EYS: variants seen among roughly 807,000 people sequenced by gnomAD.
The protein encoded by EYS is EGF-like photoreceptor maintenance factor, also known as protein eyes shut homolog.
Under a neutral mutation model 282.1 loss-of-function variants are expected in EYS, and 250 were observed. That is an observed-to-expected ratio of 0.89 (90% confidence interval 0.80 to 0.98). The LOEUF is 0.98. Among genes scored for constraint, EYS ranks in the 50% least tolerant of loss-of-function variants. EYS has a pLI of 0.00. For missense variants in EYS, 4,016 were observed against 3,709.0 expected, an observed-to-expected ratio of 1.08 and a Z score of -2.15; for synonymous variants, 1,355 against 1,282.9, an observed-to-expected ratio of 1.06 and a Z score of -1.20.
chr6:64,765,987 A>G (rs1773318807), intron 22 of EYS, among the ~76,000 whole-genome samples: 1 of 152,134 alleles, frequency 6.6e-6, no homozygotes, highest in African/African-American at 2.4e-5. Flanking sequence ...ACTATTTTCA[A>G]GTAATTAGGG....
At chr6:64,367,829 A>G (rs768814691) in intron 29 of EYS, among the ~76,000 whole-genome samples, 10 of 152,180 alleles carry the variant, frequency 6.6e-5, no homozygotes, top group Admixed American at 2.6e-4. Context: ...TTAAGGTTAG[A>G]TCTTGTGCCA....
At chr6:65,286,470 A>G (rs970570487) in intron 12 of EYS, among the ~76,000 whole-genome samples, 1 of 151,774 alleles carries the variant, frequency 6.6e-6, no homozygotes, top group African/African-American at 2.4e-5. Flanking sequence ...AATTTTTAAA[A>G]ATACATTTCT....
intron 12 of EYS, among the ~76,000 whole-genome samples, chr6:65,128,939 A>C (rs946550927): frequency 1.3e-5 from 2 of 152,060 alleles, no homozygotes; most frequent in Non-Finnish European, 2.9e-5. Context: ...AGTAAAAAAA[A>C]CCAGCATGGA....
chr6:63,801,194 G>A (rs1770774684), intron 37 of EYS, among the ~76,000 whole-genome samples: 1 of 152,136 alleles, frequency 6.6e-6, no homozygotes, highest in South Asian at 2.1e-4. Flanking sequence ...ACATGACTGA[G>A]CGGAGAGACT....
rs555684848 is a variant in EYS at position 65,005,591 on chromosome 6, G to A, written c.2138-7888C>T. 4.7e-5 allele frequency among the ~76,000 whole-genome samples: 7 copies of A among 147,602 alleles called. 1 individual carries two copies. The highest frequency in any genetic ancestry group is 9.7e-5 in the African/African-American group (4 of 41,302). ...TTCCTTAGAACTGGAGGAAAATACC[G>A]GGCACCTGTCCGCCAGTTAAAAACG... On this transcript the variant is annotated intron_variant, in intron 13 of 42. Coordinates refer to ENST00000503581, the MANE Select transcript of EYS (RefSeq NM_001142800.2).
intron 26 of EYS, among the ~76,000 whole-genome samples, chr6:64,465,892 A>T (rs79701027): frequency 0.01 from 1,544 of 152,228 alleles, 32 homozygotes; most frequent in East Asian, 0.083. Context: ...TAAGAAACTG[A>T]AACAACTCAG....
At chr6:64,990,224 G>A (rs1388442626) in intron 14 of EYS, among the ~76,000 whole-genome samples, 1 of 151,404 alleles carries the variant, frequency 6.6e-6, no homozygotes, top group African/African-American at 2.4e-5. Flanking sequence ...ATTTCTCTAT[G>A]AACCCCTTAA....
At chr6:64,722,328 T>G (rs563681065) in intron 22 of EYS, among the ~76,000 whole-genome samples, 1 of 151,420 alleles carries the variant, frequency 6.6e-6, no homozygotes, top group Non-Finnish European at 1.5e-5. Flanking sequence ...ATGAGAAAAA[T>G]ATAATTGAAT....
intron 35 of EYS, among the ~76,000 whole-genome samples, chr6:63,958,615 G>T (rs1236202644): frequency 5.3e-5 from 8 of 152,182 alleles, no homozygotes; most frequent in Non-Finnish European, 7.3e-5. Context: ...GCCTTATATT[G>T]GAAGAAGATG....
chr6:65,337,870 A>G (rs1277921510), intron 10 of EYS, among the ~76,000 whole-genome samples: 4 of 150,890 alleles, frequency 2.7e-5, no homozygotes, highest in African/African-American at 9.7e-5. Flanking sequence ...CTTGAAAGAG[A>G]GCAATATTTT....
intron 22 of EYS, among the ~76,000 whole-genome samples, chr6:64,655,159 C>G (rs1386461452): frequency 6.6e-6 from 1 of 152,156 alleles, no homozygotes; most frequent in African/African-American, 2.4e-5. Flanking sequence ...TGATCAAGGA[C>G]AGCTATAAAA....
intron 42 of EYS, among the ~76,000 whole-genome samples, chr6:63,725,123 A>G (rs1272680497): frequency 6.6e-6 from 1 of 152,114 alleles, no homozygotes; most frequent in Non-Finnish European, 1.5e-5. Context: ...ATATTTAAAA[A>G]TTTTCATGAT....
chr6:64,296,598 A>ATTTTTTTTT (rs1173183488), intron 30 of EYS, among the ~76,000 whole-genome samples: 1 of 20,132 alleles, frequency 5.0e-5, no homozygotes, highest in African/African-American at 1.6e-4. Flanking sequence ...ATATATATAT[A>ATTTTTTTTT]TTTTTTTTTT....
intron 33 of EYS, among the ~76,000 whole-genome samples, chr6:64,057,541 C>T (rs1440464449): frequency 6.6e-6 from 1 of 152,068 alleles, no homozygotes. Context: ...TCTAACATTT[C>T]ATTTTTAAAA....
chr6:64,664,480 T>C (rs1451611667), intron 22 of EYS, among the ~76,000 whole-genome samples: 3 of 152,244 alleles, frequency 2.0e-5, no homozygotes, highest in African/African-American at 7.2e-5. Flanking sequence ...CTCAATATGA[T>C]ATGTCTGGAA....
At chr6:65,268,288 T>G (rs181896155) in intron 12 of EYS, among the ~76,000 whole-genome samples, 2 of 152,044 alleles carry the variant, frequency 1.3e-5, no homozygotes, top group Non-Finnish European at 2.9e-5. Context: ...ATTAAAGAGA[T>G]AAACTTTACT....
At chr6:65,374,927 C>G (rs542448602) in intron 8 of EYS, among the ~76,000 whole-genome samples, 1 of 152,248 alleles carries the variant, frequency 6.6e-6, no homozygotes, top group African/African-American at 2.4e-5. Flanking sequence ...GACAGAGAAC[C>G]TGGGGGAAGG....
chr6:65,523,346 C>A (rs965478166), intron 2 of EYS, among the ~76,000 whole-genome samples: 8 of 151,970 alleles, frequency 5.3e-5, no homozygotes, highest in African/African-American at 1.9e-4. Flanking sequence ...ACTATTCAGC[C>A]TGAAAAAACA....
chr6:64,292,139 C>A (rs887390919), intron 30 of EYS, among the ~76,000 whole-genome samples: 11 of 152,130 alleles, frequency 7.2e-5, no homozygotes, highest in African/African-American at 2.7e-4. Context: ...TAAATCCTCT[C>A]CACAGAAATA....
Sources: allele counts gnomAD v4.1 joint callset (sites outside exome capture counted in the v4.1 genomes callset), GRCh38; gene constraint gnomAD v4.1.1; transcripts MANE v1.5; gene names NCBI Gene and HGNC (gene_info 2026-07-23, HGNC 2026-07-21).